Variants in FHAD1 observed in about 807,000 individuals in gnomAD.
The protein encoded by FHAD1 is forkhead-associated domain-containing protein 1.
FHAD1 carries 146 observed loss-of-function variants against 191.3 expected under a neutral mutation model. That is an observed-to-expected ratio of 0.76 (90% confidence interval 0.67 to 0.88). The LOEUF is 0.88. Ranked by LOEUF, FHAD1 falls within the 40% of genes least tolerant of loss-of-function variation. The probability of loss-of-function intolerance (pLI) is 0.00; values close to 1 mark genes in which losing one functional copy is unlikely to be tolerated. For missense variants in FHAD1, 1,635 were observed against 1,785.8 expected (o/e 0.92, Z 1.52); for synonymous variants, 616 against 672.3 (o/e 0.92, Z 1.29).
rs115161611 is a variant in FHAD1 at position 15,387,405 on chromosome 1, A to G, written c.4189-646A>G. On this transcript the variant is annotated intron_variant, in intron 31 of 33. Transcript: ENST00000688493. ...CCACGCGCCCTCACCAGAATGGAAAAGTAAAATGTGGCTAGAGTGGTGCAG... is the reference window on the plus strand; with the variant it reads ...CCACGCGCCCTCACCAGAATGGAAAGGTAAAATGTGGCTAGAGTGGTGCAG... Among the ~76,000 whole-genome samples the G allele has an allele frequency of 3.9e-3, 593 of 152,256 alleles. 5 individuals are homozygous for G. Among genetic ancestry groups the G allele is most frequent in the African/African-American group, 0.013 (528 of 41,546 alleles).
Position 15,313,151 on chromosome 1 carries a change from G to A in FHAD1, c.1134G>A (p.Lys378=). The A allele has an allele frequency of 6.4e-7, 1 of 1,551,956 alleles. No homozygotes were observed. The highest frequency in any genetic ancestry group is 1.4e-5 in the African/African-American group (1 of 73,156). ...EEVSHLKSQN[K]DKDHQLEALG... is the part of the protein sequence containing the mutation. ...TCAGTCACCTAAAAAGTCAGAACAA[G>A]GACAAGGACCACCAGCTGGAAGCCC... Residue 378 remains lysine, a synonymous_variant, in exon 8 of 34, where the codon AAG becomes AAA. Transcript: ENST00000688493.
chr1:15,263,924 G>A lies in FHAD1; in HGVS notation c.94-8399G>A, dbSNP rs183024709. Among the ~76,000 whole-genome samples the A allele has an allele frequency of 2.5e-3, 382 of 152,234 alleles. 1 individual carries two copies. The highest frequency in any genetic ancestry group is 9.0e-3 in the African/African-American group (373 of 41,540). On this transcript the variant is annotated intron_variant, in intron 2 of 33. Transcript: ENST00000688493. ...ATTGAATGGTATTGACACCCTTGTC[G>A]AAAATCATTTGACCATATATGCAAA...
Position 15,381,125 on chromosome 1 carries a change from C to T in FHAD1, c.3802-106C>T. On this transcript the variant is annotated intron_variant, in intron 29 of 33. Coordinates refer to ENST00000688493, the MANE Select transcript of FHAD1 (RefSeq NM_001391957.1). This position sits in a 1 kb window ranked among gnomAD's most constrained non-coding sequence, Gnocchi z 4.6. ...TCCTTTCAAAGCATGTGCGTGTTCT[C>T]TGCAATTGCAGAAAGTGAATGAAAC... 3 of 758,582 alleles carry T rather than the reference C, an allele frequency of 4.0e-6. No homozygotes were observed. The highest frequency in any genetic ancestry group is 3.6e-5 in the South Asian group (2 of 55,168). 47.0% of individuals were successfully genotyped at this position (758,582 alleles called of 1,614,324 possible). A position where few individuals can be genotyped will look rare whatever the true frequency, so the allele number is the denominator to read the frequency against.
chr1:15,375,392 C>T (rs900287702), intron 27 of FHAD1, among the ~76,000 whole-genome samples: 2 of 152,096 alleles, frequency 1.3e-5, no homozygotes, highest in Non-Finnish European at 2.9e-5. Context: ...ATGGTCTCGG[C>T]GCTGATACCT....
At chr1:15,268,444 T>G (rs896146216) in intron 2 of FHAD1, among the ~76,000 whole-genome samples, 2 of 143,256 alleles carry the variant, frequency 1.4e-5, no homozygotes, top group East Asian at 4.5e-4. Context: ...TGAATAGTGC[T>G]GCAATAAACA....
intron 22 of FHAD1, among the ~76,000 whole-genome samples, chr1:15,361,878 G>A (rs2473362): frequency 0.026 from 3,975 of 152,062 alleles, 170 homozygotes; most frequent in African/African-American, 0.084. Flanking sequence ...GGTGGCGCGC[G>A]CCTGTAGTCC....
chr1:15,384,947 C>T (rs1701761418), intron 31 of FHAD1, among the ~76,000 whole-genome samples: 2 of 152,054 alleles, frequency 1.3e-5, no homozygotes, highest in South Asian at 2.1e-4. Flanking sequence ...GGGACCTCAG[C>T]GACCTCCGAT....
chr1:15,346,472 A>G (rs1688958371), intron 18 of FHAD1, among the ~76,000 whole-genome samples: 1 of 152,128 alleles, frequency 6.6e-6, no homozygotes, highest in African/African-American at 2.4e-5. Flanking sequence ...CATTTTTGGT[A>G]TCTGTCCGGG....
Position 15,318,421 on chromosome 1 carries a change from G to A in FHAD1, c.1365+493G>A, listed in dbSNP as rs1675192208. On this transcript the variant is annotated intron_variant, in intron 10 of 33. Coordinates refer to ENST00000688493, the MANE Select transcript of FHAD1 (RefSeq NM_001391957.1). This position sits in a 1 kb window ranked among gnomAD's most constrained non-coding sequence, Gnocchi z 4.1. ...GGCTGAGGCAGATGGATCACCTGAG[G>A]TCAGGAGTTCGAGACCAGCCTGGCC... Among the ~76,000 whole-genome samples, 1 of 152,128 alleles carries A rather than the reference G, an allele frequency of 6.6e-6. No individual in the cohort carries two copies. The highest frequency in any genetic ancestry group is 2.1e-4 in the South Asian group (1 of 4,832).
At chr1:15,274,234 T>C (rs181285718) in intron 3 of FHAD1, among the ~76,000 whole-genome samples, 89 of 152,322 alleles carry the variant, frequency 5.8e-4, no homozygotes, top group Admixed American at 1.8e-3. Flanking sequence ...GGGTATTTTG[T>C]TTTAATCACA....
chr1:15,370,600 G>A (rs1052992724), intron 26 of FHAD1, among the ~76,000 whole-genome samples: 2 of 152,188 alleles, frequency 1.3e-5, no homozygotes, highest in African/African-American at 2.4e-5. Context: ...GCTGTGTCTT[G>A]GTAGCTGTTC....
upstream of FHAD1, among the ~76,000 whole-genome samples, chr1:15,245,181 C>T (rs1447057212): frequency 6.6e-6 from 1 of 152,180 alleles, no homozygotes. Flanking sequence ...CGCCAGGCCC[C>T]ACCTCCAACA....
chr1:15,383,997 CAT>C (rs3831918), intron 31 of FHAD1: 61,809 of 327,938 alleles, frequency 0.19, 7,117 homozygotes, highest in African/African-American at 0.37. Flanking sequence ...TGTACATTCT[CAT>C]GTGTGTGTGT....
intron 6 of FHAD1, among the ~76,000 whole-genome samples, chr1:15,308,092 C>G (rs533250631): frequency 2.6e-5 from 4 of 152,190 alleles, no homozygotes; most frequent in Non-Finnish European, 5.9e-5. Context: ...CAGACTAATA[C>G]GGGAGCATTC....
intron 11 of FHAD1, 126 bp from the exon 12 acceptor site, chr1:15,326,933 G>A (rs756115234): frequency 2.9e-4 from 178 of 623,016 alleles, no homozygotes; most frequent in Middle Eastern, 1.7e-3. Context: ...TTCTGATAAC[G>A]CGGAATGGTC....
At chr1:15,344,824 C>T (rs929946206) in intron 16 of FHAD1, among the ~76,000 whole-genome samples, 1 of 152,200 alleles carries the variant, frequency 6.6e-6, no homozygotes, top group Admixed American at 6.5e-5. Context: ...CTATTACTGT[C>T]TCCGTTGTAC....
intron 28 of FHAD1, among the ~76,000 whole-genome samples, chr1:15,379,275 G>A (rs1700351976): frequency 6.6e-6 from 1 of 152,286 alleles, no homozygotes; most frequent in East Asian, 1.9e-4. Flanking sequence ...AGACAAACAC[G>A]TGAGCAAAGG....
chr1:15,387,994 C>G (rs939834874), intron 31 of FHAD1, 57 bp from the exon 32 acceptor site: 2 of 1,000,802 alleles, frequency 2.0e-6, no homozygotes, highest in African/African-American at 1.7e-5. Context: ...CAGATTGGAA[C>G]GGGTAAGGAC....
Position 15,381,382 on chromosome 1 carries a change from A to G in FHAD1, c.3953A>G (p.Gln1318Arg). 6.4e-7 allele frequency: 1 copy of G among 1,551,822 alleles called. No homozygotes were observed. Among genetic ancestry groups the G allele is most frequent in the Non-Finnish European group, 8.7e-7 (1 of 1,147,014 alleles). The change falls in exon 30 of 34, where the codon CAA (glutamine) becomes CGA (arginine). Residue 1318 changes from glutamine (Q) to arginine (R), a missense_variant. Coordinates refer to ENST00000688493, the MANE Select transcript of FHAD1 (RefSeq NM_001391957.1). The surrounding 1 kb of genome is among the most constrained non-coding windows in gnomAD (Gnocchi z 4.6). The stretch of plus-strand genomic sequence containing the variant: ...GACCTGGTGTTTGATAAGATCACCC[A>G]ACTCAAGAACCAGCTGGGGAGGAAA... ...DLDLVFDKIT[Q>R]LKNQLGRKEE...
Sources: gnomAD v4.1 joint callset for allele counts (sites outside exome capture counted in the v4.1 genomes callset) on GRCh38, gnomAD v4.1.1 for gene constraint, Gnocchi (gnomAD v3.1) non-coding constraint, MANE v1.5 for transcripts, NCBI Gene and HGNC (gene_info 2026-07-23, HGNC 2026-07-21) for gene names.